The following CENPE variants were observed in gnomAD, a reference collection of about 807,000 sequenced individuals.
The protein encoded by CENPE is centromere-associated protein E.
In CENPE, 145 loss-of-function variants were observed where a neutral mutation model predicts 336.1. The observed-to-expected ratio is 0.43, with a 90% CI of 0.38 to 0.50. CENPE has a LOEUF of 0.50. Ranked by LOEUF, CENPE falls within the 20% of genes least tolerant of loss-of-function variation. CENPE has a pLI of 0.00. For synonymous variants in CENPE, 1,013 were observed against 984.8 expected, an observed-to-expected ratio of 1.03 and a Z score of -0.54; for missense variants, 2,719 against 3,023.3, an observed-to-expected ratio of 0.90 and a Z score of 2.36.
chr4:103,184,532 T>C (rs1291814563), intron 9 of CENPE, among the ~76,000 whole-genome samples: 4 of 152,188 alleles, frequency 2.6e-5, no homozygotes, highest in Admixed American at 2.6e-4. Context: ...CCTTGGTGTA[T>C]GATATATGGA....
chr4:103,140,794 A>C lies in CENPE; in HGVS notation c.5754+20T>G. 6.4e-7 allele frequency: 1 copy of C among 1,556,802 alleles called. No homozygotes were observed. ...AAATATGTGAATATAATGGTAGGGT[A>C]AAGAGAGAACACAACTCACTCTAGC... is the stretch of plus-strand genomic sequence containing the variant. On this transcript the variant is annotated intron_variant, in intron 36 of 48. Coordinates refer to ENST00000265148, the MANE Select transcript of CENPE (RefSeq NM_001813.3).
At chr4:103,190,727 G>A (rs1444787979) in intron 8 of CENPE, among the ~76,000 whole-genome samples, 1 of 152,058 alleles carries the variant, frequency 6.6e-6, no homozygotes, top group Admixed American at 6.5e-5. Context: ...CAGGACATAG[G>A]CATGGGCAAG....
chr4:103,118,966 T>C (rs1750375851), intron 44 of CENPE, among the ~76,000 whole-genome samples: 2 of 152,170 alleles, frequency 1.3e-5, no homozygotes, highest in African/African-American at 4.8e-5. Flanking sequence ...GCTATTTCCT[T>C]TGCCTGGAAT....
Position 103,198,331 on chromosome 4 carries a change from G to C in CENPE, c.-12C>G. On this transcript the variant is annotated 5_prime_UTR_variant, in exon 1 of 49. Transcript: ENST00000265148. ...CCTTCCTCCGCCATCCTATCAGGCT[G>C]AACTGGTCCCAGGAAAATGGCCAGG... 2 of 1,551,224 alleles carry C rather than the reference G, an allele frequency of 1.3e-6. No homozygotes were observed. Among genetic ancestry groups the C allele is most frequent in the Non-Finnish European group, 1.7e-6 (2 of 1,146,808 alleles).
intron 46 of CENPE, 130 bp from the exon 47 acceptor site, chr4:103,111,141 T>C: frequency 1.7e-6 from 1 of 596,490 alleles, no homozygotes; most frequent in Non-Finnish European, 2.8e-6. Context: ...TCCCTGGAAG[T>C]CACCCTTGAC....
chr4:103,149,195 C>A lies in CENPE; in HGVS notation c.3610G>T (p.Val1204Phe). Reference protein sequence around the residue: ...EVKSITKERKVLKELQKSFET... With the variant: ...EVKSITKERKFLKELQKSFET... ...AATGACTTCTGTAATTCCTTTAGAA[C>A]TTTTCTTTCTTTGGTTATAGATTTC... The change falls in exon 27 of 49, where the codon GTT becomes TTT. Residue 1204 changes from valine to phenylalanine, a missense_variant. By Grantham distance (50) the Val-to-Phe change is conservative. Around this residue, in one of 5 missense-constraint regions of CENPE, gnomAD observed 2,437 missense variants for 2,513.3 expected, o/e 0.97. Transcript: ENST00000265148. 6.2e-7 allele frequency: 1 copy of A among 1,611,778 alleles called. No homozygotes were observed. The highest frequency in any genetic ancestry group is 8.5e-7 in the Non-Finnish European group (1 of 1,179,616).
Position 103,145,952 on chromosome 4 carries a change from A to G in CENPE, c.4290T>C (p.Leu1430=). The part of the protein sequence containing the change: ...EIEMLGLSKR[L]QESHDEMKSV... The stretch of plus-strand genomic sequence containing the variant: ...ATTTCATTTCATCATGACTTTCTTG[A>G]AGTCTTTTGGACAATCCGAGCATTT... The change falls in exon 30 of 49, where the codon CTT becomes CTC. Residue 1430 remains leucine, a synonymous_variant. Transcript: ENST00000265148. 1 of 1,613,918 alleles carries G rather than the reference A, an allele frequency of 6.2e-7. No homozygotes were observed. Among genetic ancestry groups the G allele is most frequent in the South Asian group, 1.1e-5 (1 of 91,070 alleles).
At chr4:103,127,097 TA>T (rs768685995) in intron 42 of CENPE, among the ~76,000 whole-genome samples, 783 of 75,302 alleles carry the variant, frequency 0.01, 6 homozygotes, top group African/African-American at 0.033. Context: ...GGGACAAATA[TA>T]AAAAAAAAAA....
chr4:103,133,578 C>G (rs1354245149), intron 41 of CENPE, 117 bp downstream of exon 41: 8 of 725,836 alleles, frequency 1.1e-5, no homozygotes, highest in Non-Finnish European at 1.8e-5. Flanking sequence ...AGGTATCACT[C>G]TGCAACGTAT....
At chr4:103,131,628 T>C (rs1487907131) in intron 42 of CENPE, among the ~76,000 whole-genome samples, 1 of 152,210 alleles carries the variant, frequency 6.6e-6, no homozygotes, top group African/African-American at 2.4e-5. Flanking sequence ...GTTGAAAATG[T>C]ATGTCCACAC....
At chr4:103,164,399 T>C (rs1754732387) in intron 16 of CENPE, among the ~76,000 whole-genome samples, 1 of 152,100 alleles carries the variant, frequency 6.6e-6, no homozygotes, top group Admixed American at 6.5e-5. Flanking sequence ...TTGAAAATAG[T>C]ATCTTATTTA....
intron 25 of CENPE, among the ~76,000 whole-genome samples, chr4:103,151,876 A>T (rs990769193): frequency 6.6e-6 from 1 of 152,232 alleles, no homozygotes; most frequent in African/African-American, 2.4e-5. Context: ...AACAAGCCAG[A>T]GACTGAGAAG....
intron 15 of CENPE, 22 bp from the exon 16 acceptor site, chr4:103,174,925 T>A: frequency 7.4e-7 from 1 of 1,356,262 alleles, no homozygotes; most frequent in South Asian, 1.6e-5. Flanking sequence ...AAGAACAGAT[T>A]TTCCAATCAG....
At chr4:103,130,833 T>C (rs1751519087) in intron 42 of CENPE, among the ~76,000 whole-genome samples, 2 of 143,500 alleles carry the variant, frequency 1.4e-5, no homozygotes, top group African/African-American at 5.2e-5. Flanking sequence ...AGCTCAGAAA[T>C]AGATCCCACA....
intron 15 of CENPE, 22 bp downstream of exon 15, chr4:103,175,938 G>A (rs964565683): frequency 4.3e-6 from 6 of 1,385,018 alleles, no homozygotes; most frequent in Non-Finnish European, 6.1e-6. Context: ...AGCATTATAT[G>A]CTGTAAAATA....
chr4:103,193,384 T>A (rs953376811), intron 8 of CENPE, among the ~76,000 whole-genome samples: 4 of 152,132 alleles, frequency 2.6e-5, no homozygotes, highest in African/African-American at 9.6e-5. Flanking sequence ...GAATATTAAG[T>A]AATTAATAAT....
In CENPE at chr4:103,140,299, A is replaced by G; in HGVS notation, c.5870T>C (p.Ile1957Thr). The change falls in exon 37 of 49, where the codon ATT becomes ACT. Residue 1957 changes from isoleucine to threonine, a missense_variant. By Grantham distance (89) the Ile-to-Thr change is moderately conservative (BLOSUM62 -1). Coordinates refer to ENST00000265148, the MANE Select transcript of CENPE (RefSeq NM_001813.3). ...ISEKTIQISD[I>T]QKDLDKSKDE... is the part of the protein sequence containing the mutation. Reference sequence around the variant, plus strand: ...TTTTGATTTATCTAAATCCTTTTGAATGTCTGAAATTTGAATTGTCTTTTC... The same window carrying G: ...TTTTGATTTATCTAAATCCTTTTGAGTGTCTGAAATTTGAATTGTCTTTTC... 1 of 1,604,602 alleles carries G rather than the reference A, an allele frequency of 6.2e-7. No individual in the cohort carries two copies. Among genetic ancestry groups the G allele is most frequent in the Non-Finnish European group, 8.5e-7 (1 of 1,174,918 alleles).
chr4:103,161,564 A>G, intron 18 of CENPE, 107 bp from the exon 19 acceptor site: 1 of 914,574 alleles, frequency 1.1e-6, no homozygotes, highest in Middle Eastern at 2.4e-4. Flanking sequence ...CAAAAAGCGT[A>G]CAAATATGCT....
chr4:103,148,918 T>C lies in CENPE; in HGVS notation c.3769A>G (p.Ser1257Gly). The C allele has an allele frequency of 6.2e-7, 1 of 1,613,414 alleles. No homozygotes were observed. Among genetic ancestry groups the C allele is most frequent in the Non-Finnish European group, 8.5e-7 (1 of 1,179,400 alleles). ...HQETIDELRR[S>G]VSEKTAQIIN... ...ATTTGAGCTGTCTTCTCAGATACGC[T>C]TCTTCTTAGTTCATCAATAGTTTCT... Residue 1257 changes from serine to glycine, a missense_variant, in exon 28 of 49, where the codon AGC becomes GGC. By Grantham distance (56) the Ser-to-Gly change is moderately conservative. Around this residue, in one of 5 missense-constraint regions of CENPE, gnomAD observed 2,437 missense variants for 2,513.3 expected, o/e 0.97. Transcript: ENST00000265148.
Sources: gnomAD v4.1 joint callset for allele counts (sites outside exome capture counted in the v4.1 genomes callset) on GRCh38, gnomAD v4.1.1 for gene constraint, gnomAD v4.1.1 regional missense constraint, MANE v1.5 for transcripts, NCBI Gene and HGNC (gene_info 2026-07-23, HGNC 2026-07-21) for gene names.